TLN2: variants seen among roughly 807,000 people sequenced by gnomAD.
The protein encoded by TLN2 is talin-2.
A neutral mutation model predicts 294.7 loss-of-function variants in TLN2; 118 were observed. The observed-to-expected ratio is 0.40, with a 90% confidence interval of 0.34 to 0.47. The LOEUF (loss-of-function observed/expected upper bound fraction) is 0.47, where lower values mean the gene tolerates loss of function less well. Among genes scored for constraint, TLN2 ranks in the 20% least tolerant of loss-of-function variants. TLN2 has a pLI of 0.84. For missense variants in TLN2, 3,083 were observed against 3,282.2 expected (o/e 0.94, Z 1.48); for synonymous variants, 1,431 against 1,304.5 (o/e 1.10, Z -2.09).
At chr15:62,580,862 C>T (rs1398531281) in intron 1 of TLN2, among the ~76,000 whole-genome samples, 1 of 151,792 alleles carries the variant, frequency 6.6e-6, no homozygotes, top group East Asian at 1.9e-4. Context: ...CCCCCTGACC[C>T]CTGGCAACCA....
At chr15:62,759,248 G>T (rs1246086045) in intron 37 of TLN2, among the ~76,000 whole-genome samples, 1 of 152,196 alleles carries the variant, frequency 6.6e-6, no homozygotes, top group Non-Finnish European at 1.5e-5. Context: ...AATAATACCT[G>T]TGCAAACTAT....
At chr15:62,710,226 G>A (rs1235905853) in intron 21 of TLN2, among the ~76,000 whole-genome samples, 3 of 152,116 alleles carry the variant, frequency 2.0e-5, no homozygotes, top group African/African-American at 7.2e-5. Context: ...TTCCTACGTA[G>A]GGTAAATTCT....
rs1437838650 is a variant in TLN2 at position 62,796,172 on chromosome 15, C to G, written c.5929C>G (p.Gln1977Glu). Residue 1977 changes from glutamine (Q) to glutamate (E), a missense_variant, in exon 47 of 59, where the codon CAG (glutamine) becomes GAG (glutamate). Coordinates refer to ENST00000636159, the MANE Select transcript of TLN2 (RefSeq NM_015059.3). ...TCTCCAGGCCGGGAACAAAGGAACC[C>G]AGGCATGCATTACAGCCGCCACCGC... ...SALQAGNKGT[Q>E]ACITAATAVS... 1.9e-6 allele frequency: 3 copies of G among 1,614,136 alleles called. No homozygotes were observed. Among genetic ancestry groups the G allele is most frequent in the Non-Finnish European group, 2.5e-6 (3 of 1,180,048 alleles).
intron 3 of TLN2, among the ~76,000 whole-genome samples, chr15:62,632,079 C>A (rs2049953659): frequency 6.6e-6 from 1 of 152,176 alleles, no homozygotes; most frequent in Non-Finnish European, 1.5e-5. Flanking sequence ...TGTGCTCCCC[C>A]CGAATCTTTC....
chr15:62,574,012 A>G (rs2044164373), intron 1 of TLN2, among the ~76,000 whole-genome samples: 1 of 152,064 alleles, frequency 6.6e-6, no homozygotes, highest in Non-Finnish European at 1.5e-5. Flanking sequence ...TGGGTGTCCC[A>G]TCTTTGGTGC....
intron 1 of TLN2, among the ~76,000 whole-genome samples, chr15:62,406,973 G>A (rs937689424): frequency 6.6e-6 from 1 of 152,038 alleles, no homozygotes; most frequent in Non-Finnish European, 1.5e-5. Flanking sequence ...TGGGATGGGG[G>A]GTACAATTCA....
chr15:62,594,795 G>A (rs1567161910), intron 2 of TLN2, among the ~76,000 whole-genome samples: 1 of 152,170 alleles, frequency 6.6e-6, no homozygotes, highest in Non-Finnish European at 1.5e-5. Flanking sequence ...AATGAAAACA[G>A]AAATAGACAA....
At chr15:62,588,691 T>TGAA (rs2045847106) in intron 1 of TLN2, among the ~76,000 whole-genome samples, 2 of 132,620 alleles carry the variant, frequency 1.5e-5, no homozygotes, top group African/African-American at 6.0e-5. Context: ...TATATATATA[T>TGAA]ATATATATAT....
intron 2 of TLN2, among the ~76,000 whole-genome samples, chr15:62,617,524 A>T (rs906692379): frequency 1.3e-5 from 2 of 152,300 alleles, no homozygotes; most frequent in East Asian, 3.9e-4. Context: ...AGCGGGGGGT[A>T]CACTGGCCAC....
At chr15:62,743,803 C>T (rs879659832) in intron 32 of TLN2, among the ~76,000 whole-genome samples, 2 of 152,176 alleles carry the variant, frequency 1.3e-5, no homozygotes, top group South Asian at 2.1e-4. Flanking sequence ...GACTCCAGAA[C>T]TGAGAAGGCT....
Position 62,842,528 on chromosome 15 carries a change from G to T in TLN2, c.*1918G>T, listed in dbSNP as rs1445347750. On this transcript the variant is annotated 3_prime_UTR_variant, in exon 59 of 59. Transcript: ENST00000636159. ...TAACAGGACTCTGGGGATCCCCTCT[G>T]TGGCCCAGCCCACCCCACCCTCTGC... 1 of 152,138 alleles carries T rather than the reference G, an allele frequency of 6.6e-6. No individual in the cohort carries two copies. The highest frequency in any genetic ancestry group is 1.5e-5 in the Non-Finnish European group (1 of 68,162). The allele number at this position is 152,138 out of a possible 1,614,324, so 9.4% of individuals were successfully genotyped here. A position where few individuals can be genotyped will look rare whatever the true frequency, so the allele number is the denominator to read the frequency against.
chr15:62,840,405 C>A, intron 58 of TLN2, 77 bp from the exon 59 acceptor site: 1 of 1,570,744 alleles, frequency 6.4e-7, no homozygotes. Context: ...AGCCGTGGAG[C>A]TCACATGAGC....
At chr15:62,597,872 TACTGTATGTTG>T (rs2046662611) in intron 2 of TLN2, among the ~76,000 whole-genome samples, 1 of 152,230 alleles carries the variant, frequency 6.6e-6, no homozygotes, top group Non-Finnish European at 1.5e-5. Context: ...AACAAAGTTT[TACTGTATGTTG>T]ACTGTGACAT....
intron 1 of TLN2, among the ~76,000 whole-genome samples, chr15:62,496,312 A>G (rs372663529): frequency 1.3e-5 from 2 of 152,344 alleles, no homozygotes; most frequent in East Asian, 1.9e-4. Flanking sequence ...ACTTGAATGT[A>G]GTTCACAAGC....
At chr15:62,837,880 A>G (rs2069944183) in intron 57 of TLN2, among the ~76,000 whole-genome samples, 2 of 152,246 alleles carry the variant, frequency 1.3e-5, no homozygotes, top group South Asian at 4.1e-4. Flanking sequence ...TTGAATGAGA[A>G]GAACTCTCAA....
intron 1 of TLN2, among the ~76,000 whole-genome samples, chr15:62,571,615 G>T (rs1324346659): frequency 6.6e-6 from 1 of 151,850 alleles, no homozygotes; most frequent in Admixed American, 6.6e-5. Context: ...TTGTTATTGG[G>T]AATTCTAAAC....
intron 58 of TLN2, among the ~76,000 whole-genome samples, chr15:62,839,635 A>G (rs1055126869): frequency 6.6e-6 from 1 of 152,228 alleles, no homozygotes; most frequent in Non-Finnish European, 1.5e-5. Flanking sequence ...TCCATCTCGT[A>G]AATCCATTTT....
At chr15:62,530,346 TCATG>T (rs2040976407) in intron 1 of TLN2, among the ~76,000 whole-genome samples, 1 of 152,062 alleles carries the variant, frequency 6.6e-6, no homozygotes, top group African/African-American at 2.4e-5. Context: ...ATTTATTTAT[TCATG>T]TATTCATTCA....
chr15:62,708,618 TAGTG>T lies in TLN2; in HGVS notation c.2292_2295del (p.Glu765SerfsTer2), dbSNP rs773992077. 6.2e-7 allele frequency: 1 copy of T among 1,614,124 alleles called. No homozygotes were observed. Among genetic ancestry groups the T allele is most frequent in the Non-Finnish European group, 8.5e-7 (1 of 1,180,022 alleles). ...GTGCCTGCCAGGCGGCCACTACCGATAGTGAGCTCCTGAAGCAGGTCAGCGCAGC... is the reference window on the plus strand; with the variant it reads ...GTGCCTGCCAGGCGGCCACTACCGATAGCTCCTGAAGCAGGTCAGCGCAGC... On this transcript the variant is annotated frameshift_variant, in exon 21 of 59. Coordinates refer to ENST00000636159, the MANE Select transcript of TLN2 (RefSeq NM_015059.3). LOFTEE classifies it high-confidence loss of function.
Sources: gnomAD v4.1 joint callset for allele counts (sites outside exome capture counted in the v4.1 genomes callset) on GRCh38, gnomAD v4.1.1 for gene constraint, MANE v1.5 for transcripts, NCBI Gene and HGNC (gene_info 2026-07-23, HGNC 2026-07-21) for gene names.